Variants in COLEC10 observed in about 807,000 individuals in gnomAD.
COLEC10 encodes collectin subfamily member 10, also known as collectin-10.
COLEC10 carries 22 observed loss-of-function variants against 28.4 expected under a neutral mutation model. That is an observed-to-expected ratio of 0.78 (90% CI 0.55 to 1.11). The LOEUF is 1.11. Ranked by LOEUF, COLEC10 falls within the 50% of genes least tolerant of loss-of-function variation. The probability of loss-of-function intolerance (pLI) is 0.00; values close to 1 mark genes in which losing one functional copy is unlikely to be tolerated. For synonymous variants in COLEC10, 125 were observed against 116.1 expected (o/e 1.08, Z -0.49); for missense variants, 361 against 344.1 (o/e 1.05, Z -0.39).
chr8:119,059,608 C>A (rs1814818747), intron 2 of COLEC10, among the ~76,000 whole-genome samples: 1 of 152,060 alleles, frequency 6.6e-6, no homozygotes, highest in African/African-American at 2.4e-5. Flanking sequence ...TCTGTGAAAG[C>A]AAAGTTGGTG....
At chr8:119,012,331 G>A (rs1008333983) in intron 2 of COLEC10, among the ~76,000 whole-genome samples, 1 of 150,576 alleles carries the variant, frequency 6.6e-6, no homozygotes. Flanking sequence ...CACGGTTATG[G>A]TGTATCATTC....
chr8:119,091,326 T>C, intron 3 of COLEC10, 106 bp downstream of exon 3: 2 of 764,288 alleles, frequency 2.6e-6, no homozygotes, highest in South Asian at 3.5e-5. Context: ...GGTGGGAGGA[T>C]ACCTTGAAGC....
the COLEC10 span, among the ~76,000 whole-genome samples, chr8:118,973,851 C>G: frequency 1.3e-5 from 2 of 151,956 alleles, no homozygotes; most frequent in Non-Finnish European, 2.9e-5. Context: ...ACATATTTAA[C>G]TCACAATAGA....
intron 1 of COLEC10, among the ~76,000 whole-genome samples, chr8:119,000,660 G>A (rs1203607987): frequency 6.6e-6 from 1 of 152,128 alleles, no homozygotes; most frequent in Non-Finnish European, 1.5e-5. Context: ...ATAGCAAAAG[G>A]GAATGGAGGT....
At chr8:119,100,991 C>A (rs543148334) in intron 3 of COLEC10, among the ~76,000 whole-genome samples, 1 of 152,284 alleles carries the variant, frequency 6.6e-6, no homozygotes, top group African/African-American at 2.4e-5. Flanking sequence ...TCAAAAGTAA[C>A]TATGTAAGGA....
At chr8:119,070,956 A>G (rs1815111384) in intron 1 of COLEC10, among the ~76,000 whole-genome samples, 1 of 152,190 alleles carries the variant, frequency 6.6e-6, no homozygotes, top group South Asian at 2.1e-4. Context: ...GGCCAAGGGA[A>G]GTGCCCGAGT....
At chr8:119,080,398 C>G (rs973952400) in intron 1 of COLEC10, among the ~76,000 whole-genome samples, 12 of 152,156 alleles carry the variant, frequency 7.9e-5, no homozygotes, top group African/African-American at 2.9e-4. Flanking sequence ...GGAACTTACA[C>G]TTTAATTAAA....
chr8:119,044,005 A>C (rs1814542889), intron 2 of COLEC10, among the ~76,000 whole-genome samples: 1 of 152,218 alleles, frequency 6.6e-6, no homozygotes, highest in Non-Finnish European at 1.5e-5. Flanking sequence ...AATAAATAAA[A>C]CCTACAAAAC....
the COLEC10 span, among the ~76,000 whole-genome samples, chr8:118,971,262 G>T: frequency 1.3e-5 from 2 of 151,930 alleles, no homozygotes; most frequent in Non-Finnish European, 2.9e-5. Context: ...ATGCTAGTTG[G>T]CATAGACTAC....
chr8:119,075,229 C>G (rs1203324792), intron 1 of COLEC10, among the ~76,000 whole-genome samples: 1 of 152,210 alleles, frequency 6.6e-6, no homozygotes, highest in Non-Finnish European at 1.5e-5. Context: ...TAAAATTCTA[C>G]TTGTAGAAAC....
chr8:118,960,045 C>T, the COLEC10 span, among the ~76,000 whole-genome samples: 1 of 152,136 alleles, frequency 6.6e-6, no homozygotes, highest in Admixed American at 6.5e-5. Context: ...GAAGGTGTTT[C>T]AAACATTAGC....
At chr8:118,954,781 G>T in the COLEC10 span, among the ~76,000 whole-genome samples, 1 of 152,178 alleles carries the variant, frequency 6.6e-6, no homozygotes, top group African/African-American at 2.4e-5. Flanking sequence ...CACTTCTAAA[G>T]CTTAGAGAAA....
In COLEC10 at chr8:119,106,060, A is replaced by G; in HGVS notation, c.703A>G (p.Asn235Asp). ...TCCACTGCAGAACTATAGCAACTGG[A>G]ATGAGGGGGAACCCAGCGACCCCTA... ...NTPLQNYSNW[N>D]EGEPSDPYGH... The change falls in exon 6 of 6, where the codon AAT (asparagine) becomes GAT (aspartate). Residue 235 changes from asparagine (N) to aspartate (D), a missense_variant. Asn to Asp is a conservative substitution (Grantham distance 23, BLOSUM62 1). This residue lies in a region of COLEC10 where 335 missense variants were observed against 308.5 expected (regional missense o/e 1.09). Transcript: ENST00000332843. 1 of 1,613,922 alleles carries G rather than the reference A, an allele frequency of 6.2e-7. No homozygotes were observed. The highest frequency in any genetic ancestry group is 8.5e-7 in the Non-Finnish European group (1 of 1,179,882).
chr8:119,025,795 T>A (rs1410571678), intron 2 of COLEC10, among the ~76,000 whole-genome samples: 1 of 152,154 alleles, frequency 6.6e-6, no homozygotes, highest in Non-Finnish European at 1.5e-5. Context: ...AAATAGGCAA[T>A]GTTAGAAAAC....
intron 1 of COLEC10, among the ~76,000 whole-genome samples, chr8:119,002,586 G>GAT (rs1323587908): frequency 1.3e-5 from 2 of 152,074 alleles, no homozygotes; most frequent in Admixed American, 1.3e-4. Context: ...GAATAAGTAG[G>GAT]ATAATCTAGG....
chr8:119,022,492 C>T (rs971902911), intron 2 of COLEC10, among the ~76,000 whole-genome samples: 45 of 152,084 alleles, frequency 3.0e-4, no homozygotes, highest in Admixed American at 3.3e-4. Flanking sequence ...AAAAGGAGAG[C>T]TAATCATTTT....
chr8:119,075,892 CTTTTTTTT>C (rs35870985), intron 1 of COLEC10, among the ~76,000 whole-genome samples: 1 of 82,404 alleles, frequency 1.2e-5, no homozygotes, highest in Non-Finnish European at 2.2e-5. Context: ...TCAGCCATAT[CTTTTTTTT>C]TTTTTTTTTT....
intron 2 of COLEC10, among the ~76,000 whole-genome samples, chr8:119,051,654 G>A (rs1814678163): frequency 1.3e-5 from 2 of 152,050 alleles, no homozygotes; most frequent in African/African-American, 4.8e-5. Flanking sequence ...CACGGCATGA[G>A]GAAAGAAAAT....
chr8:119,038,147 C>CA (rs1387087775), intron 2 of COLEC10, among the ~76,000 whole-genome samples: 1 of 152,180 alleles, frequency 6.6e-6, no homozygotes, highest in African/African-American at 2.4e-5. Flanking sequence ...TGAAAATCAA[C>CA]ATAGTAAGAT....
Sources: gnomAD v4.1 joint callset for allele counts (sites outside exome capture counted in the v4.1 genomes callset) on GRCh38, gnomAD v4.1.1 for gene constraint, gnomAD v4.1.1 regional missense constraint, MANE v1.5 for transcripts, NCBI Gene and HGNC (gene_info 2026-07-23, HGNC 2026-07-21) for gene names.